KHDRBS2: variants seen among roughly 807,000 people sequenced by gnomAD.
KHDRBS2 encodes KH RNA binding domain containing, signal transduction associated 2.
In KHDRBS2, 26 loss-of-function variants were observed where a neutral mutation model predicts 44.3. The observed-to-expected ratio is 0.59, with a 90% CI of 0.43 to 0.81. KHDRBS2 has a LOEUF of 0.81. KHDRBS2 is among the 40% of genes least tolerant of loss of function. The probability of loss-of-function intolerance (pLI) is 0.00; values close to 1 mark genes in which losing one functional copy is unlikely to be tolerated. For synonymous variants in KHDRBS2, 194 were observed against 151.1 expected (o/e 1.28, Z -2.08); for missense variants, 476 against 433.1 (o/e 1.10, Z -0.88).
intron 2 of KHDRBS2, among the ~76,000 whole-genome samples, chr6:62,063,289 A>G (rs892213227): frequency 6.2e-4 from 94 of 150,564 alleles, no homozygotes; most frequent in African/African-American, 2.2e-3. Context: ...TGAGGCCAGC[A>G]TCATTCTGAT....
At chr6:62,270,029 T>A (rs1391014677) in intron 1 of KHDRBS2, among the ~76,000 whole-genome samples, 1 of 152,112 alleles carries the variant, frequency 6.6e-6, no homozygotes, top group Non-Finnish European at 1.5e-5. Context: ...AAATTTTCTC[T>A]AATAACAGAA....
the KHDRBS2 span, among the ~76,000 whole-genome samples, chr6:61,605,501 T>G: frequency 6.6e-6 from 1 of 152,196 alleles, no homozygotes; most frequent in Non-Finnish European, 1.5e-5. Flanking sequence ...TCCTCCCAAT[T>G]CTTAGTCCTT....
At chr6:61,967,483 G>A (rs572041123) in intron 4 of KHDRBS2, among the ~76,000 whole-genome samples, 136 of 151,962 alleles carry the variant, frequency 8.9e-4, no homozygotes, top group African/African-American at 3.2e-3. Flanking sequence ...ATGAAAATAA[G>A]AAGCAGCAGG....
At chr6:62,250,927 A>G (rs1836420602) in intron 1 of KHDRBS2, among the ~76,000 whole-genome samples, 3 of 152,012 alleles carry the variant, frequency 2.0e-5, no homozygotes, top group African/African-American at 7.2e-5. Flanking sequence ...TCAATAGATC[A>G]TTTGGTCCCA....
chr6:61,810,590 GA>G (rs75865833), intron 6 of KHDRBS2, among the ~76,000 whole-genome samples: 138 of 151,444 alleles, frequency 9.1e-4, no homozygotes, highest in South Asian at 2.7e-3. Context: ...ATATTAGAAT[GA>G]AAAAAAATAC....
chr6:61,815,298 T>G (rs1313686024), intron 6 of KHDRBS2, among the ~76,000 whole-genome samples: 1 of 152,150 alleles, frequency 6.6e-6, no homozygotes, highest in African/African-American at 2.4e-5. Context: ...TGGAATGGCA[T>G]ACAATTTAAA....
chr6:61,635,346 C>T, the KHDRBS2 span, among the ~76,000 whole-genome samples: 1 of 151,950 alleles, frequency 6.6e-6, no homozygotes, highest in Admixed American at 6.6e-5. Flanking sequence ...GAAGTGATGA[C>T]TGGTCTGTCT....
intron 6 of KHDRBS2, among the ~76,000 whole-genome samples, chr6:61,783,879 T>A (rs887007647): frequency 6.6e-6 from 1 of 152,060 alleles, no homozygotes; most frequent in African/African-American, 2.4e-5. Flanking sequence ...CATTTAATTA[T>A]GTGAATGGTT....
intron 4 of KHDRBS2, among the ~76,000 whole-genome samples, chr6:61,961,585 G>C (rs1283257910): frequency 6.6e-6 from 1 of 152,016 alleles, no homozygotes; most frequent in African/African-American, 2.4e-5. Context: ...AATGACATTT[G>C]AACAAAGATT....
intron 1 of KHDRBS2, among the ~76,000 whole-genome samples, chr6:62,192,417 A>G (rs1824817600): frequency 6.6e-6 from 1 of 152,102 alleles, no homozygotes; most frequent in Non-Finnish European, 1.5e-5. Context: ...CTCAAGTTGC[A>G]TTGGTTTGGT....
intron 2 of KHDRBS2, among the ~76,000 whole-genome samples, chr6:62,142,404 A>C (rs1813027431): frequency 6.6e-6 from 1 of 152,072 alleles, no homozygotes; most frequent in Non-Finnish European, 1.5e-5. Context: ...CTCTCGGATA[A>C]ATTTACATAT....
At chr6:62,197,023 G>A (rs986428700) in intron 1 of KHDRBS2, among the ~76,000 whole-genome samples, 2 of 152,032 alleles carry the variant, frequency 1.3e-5, no homozygotes, top group Non-Finnish European at 2.9e-5. Context: ...TCACAGTGTA[G>A]TATAAAAATG....
chr6:61,625,195 T>C, the KHDRBS2 span, among the ~76,000 whole-genome samples: 1 of 151,694 alleles, frequency 6.6e-6, no homozygotes, highest in East Asian at 1.9e-4. Context: ...GGCTGACCTA[T>C]CAGGAATGAG....
chr6:62,036,280 A>G lies in KHDRBS2; in HGVS notation c.336+11598T>C, dbSNP rs147367086. On this transcript the variant is annotated intron_variant, in intron 3 of 8. Transcript: ENST00000281156. ...AGTCATATCTAAACCACTCAACTTT[A>G]TAGAGGCCATATTATAATGAACCAG... 2.3e-3 allele frequency among the ~76,000 whole-genome samples: 344 copies of G among 152,084 alleles called. 1 individual carries two copies. The highest frequency in any genetic ancestry group is 7.6e-3 in the African/African-American group (314 of 41,538).
intron 8 of KHDRBS2, among the ~76,000 whole-genome samples, chr6:61,686,569 TAA>T (rs1260133473): frequency 6.6e-6 from 1 of 151,780 alleles, no homozygotes; most frequent in Non-Finnish European, 1.5e-5. Flanking sequence ...TATCATATTT[TAA>T]AAAACTCTAT....
intron 2 of KHDRBS2, among the ~76,000 whole-genome samples, chr6:62,072,194 A>G (rs975329909): frequency 2.0e-5 from 3 of 152,286 alleles, no homozygotes; most frequent in East Asian, 1.9e-4. Context: ...TTGATTTTGT[A>G]TCCTGAGACT....
At chr6:62,086,849 C>T (rs980815040) in intron 2 of KHDRBS2, among the ~76,000 whole-genome samples, 1 of 151,668 alleles carries the variant, frequency 6.6e-6, no homozygotes, top group African/African-American at 2.4e-5. Context: ...GCCACTATAC[C>T]CTCTCCAAAT....
intron 6 of KHDRBS2, among the ~76,000 whole-genome samples, chr6:61,736,598 T>G (rs150415568): frequency 1.3e-5 from 2 of 152,204 alleles, no homozygotes; most frequent in African/African-American, 4.8e-5. Flanking sequence ...TTAATTTGTT[T>G]GTTTTGTTTC....
chr6:62,126,052 G>T (rs998595351), intron 2 of KHDRBS2, among the ~76,000 whole-genome samples: 8 of 152,138 alleles, frequency 5.3e-5, no homozygotes, highest in African/African-American at 1.4e-4. Flanking sequence ...GGGGTCCCCA[G>T]TTCCAAGCCT....
Sources: allele counts gnomAD v4.1 joint callset (sites outside exome capture counted in the v4.1 genomes callset), GRCh38; gene constraint gnomAD v4.1.1; transcripts MANE v1.5; gene names NCBI Gene and HGNC (gene_info 2026-07-23, HGNC 2026-07-21).